The following OR6N1 variants were observed in gnomAD, a reference collection of about 807,000 sequenced individuals.
OR6N1 encodes olfactory receptor 6N1.
For synonymous variants in OR6N1, 170 were observed against 150.7 expected, an observed-to-expected ratio of 1.13 and a Z score of -0.94; for missense variants, 394 against 371.7, an observed-to-expected ratio of 1.06 and a Z score of -0.49.
the OR6N1 span, among the ~76,000 whole-genome samples, chr1:158,825,155 A>C: frequency 2.0e-5 from 3 of 152,122 alleles, no homozygotes; most frequent in African/African-American, 7.2e-5. Flanking sequence ...AAAGTGAGCA[A>C]AGGGCCAGGC....
chr1:158,783,152 C>A, the OR6N1 span, among the ~76,000 whole-genome samples: 1 of 152,034 alleles, frequency 6.6e-6, no homozygotes, highest in South Asian at 2.1e-4. Context: ...TTGTTACTTC[C>A]CCCCTTGTCA....
At chr1:158,790,814 C>G in the OR6N1 span, among the ~76,000 whole-genome samples, 1 of 152,082 alleles carries the variant, frequency 6.6e-6, no homozygotes, top group Admixed American at 6.5e-5. Flanking sequence ...GTGTCCCCAC[C>G]AAAATCTCAT....
chr1:158,776,660 G>A (rs747780158), upstream of OR6N1: 4 of 1,419,608 alleles, frequency 2.8e-6, no homozygotes, highest in South Asian at 5.1e-5. Flanking sequence ...ACATTGAGGT[G>A]AGAAAGGACA....
At chr1:158,833,571 C>T in the OR6N1 span, among the ~76,000 whole-genome samples, 3 of 152,164 alleles carry the variant, frequency 2.0e-5, no homozygotes, top group African/African-American at 4.8e-5. Context: ...TATGTTTAAT[C>T]ATACAGTAAG....
At chr1:158,780,645 T>C in the OR6N1 span, among the ~76,000 whole-genome samples, 1 of 152,364 alleles carries the variant, frequency 6.6e-6, no homozygotes, top group East Asian at 1.9e-4. Flanking sequence ...AAGCCTATTT[T>C]ATAATAAGGT....
At chr1:158,791,273 A>G in the OR6N1 span, among the ~76,000 whole-genome samples, 31 of 152,160 alleles carry the variant, frequency 2.0e-4, no homozygotes, top group African/African-American at 4.6e-4. Flanking sequence ...TGTTTGCTCT[A>G]TCCCAGAGGT....
the OR6N1 span, among the ~76,000 whole-genome samples, chr1:158,812,156 C>T: frequency 2.0e-5 from 3 of 152,182 alleles, no homozygotes; most frequent in Admixed American, 1.3e-4. Context: ...ACAGACTTCC[C>T]CTGTGCTTTG....
upstream of OR6N1, among the ~76,000 whole-genome samples, chr1:158,773,175 A>AT (rs11292789): frequency 6.6e-6 from 1 of 150,826 alleles, no homozygotes. Flanking sequence ...TTTCTGGAAG[A>AT]TTTTTTTTTT....
the OR6N1 span, among the ~76,000 whole-genome samples, chr1:158,810,284 T>C: frequency 6.6e-6 from 1 of 152,088 alleles, no homozygotes; most frequent in South Asian, 2.1e-4. Flanking sequence ...GCTACTCTCA[T>C]CTTTTCGGCC....
chr1:158,785,897 G>T, the OR6N1 span, among the ~76,000 whole-genome samples: 1 of 152,056 alleles, frequency 6.6e-6, no homozygotes, highest in Admixed American at 6.5e-5. Flanking sequence ...CATTATTTTA[G>T]ACTTTTCAAG....
At chr1:158,777,229 A>C in the OR6N1 span, 7 of 1,614,172 alleles carry the variant, frequency 4.3e-6, no homozygotes, top group South Asian at 7.7e-5. Flanking sequence ...TGTGGTGGTC[A>C]TAATTATAGG....
the OR6N1 span, among the ~76,000 whole-genome samples, chr1:158,790,406 T>TTTA: frequency 1.3e-5 from 2 of 150,360 alleles, no homozygotes; most frequent in African/African-American, 4.9e-5. Flanking sequence ...GGGAATTTTT[T>TTTA]TTTTTTTTTT....
chr1:158,796,573 TCTCA>T, the OR6N1 span, among the ~76,000 whole-genome samples: 1 of 152,216 alleles, frequency 6.6e-6, no homozygotes, highest in Admixed American at 6.5e-5. Context: ...TTGATTTGTT[TCTCA>T]CTATTTCAAT....
chr1:158,777,403 A>G, the OR6N1 span: 5 of 1,614,168 alleles, frequency 3.1e-6, no homozygotes, highest in Admixed American at 5.0e-5. Context: ...CATCTTAGGG[A>G]TAGTGGTAGC....
chr1:158,791,321 A>G, the OR6N1 span, among the ~76,000 whole-genome samples: 1 of 152,146 alleles, frequency 6.6e-6, no homozygotes, highest in Non-Finnish European at 1.5e-5. Context: ...TTATTTGAAA[A>G]AAATTAATTT....
At chr1:158,814,347 CA>C in the OR6N1 span, among the ~76,000 whole-genome samples, 1 of 152,160 alleles carries the variant, frequency 6.6e-6, no homozygotes, top group Non-Finnish European at 1.5e-5. Flanking sequence ...TATATACATA[CA>C]GTTTCTACCC....
the OR6N1 span, among the ~76,000 whole-genome samples, chr1:158,801,492 G>A: frequency 4.6e-4 from 70 of 152,278 alleles, no homozygotes; most frequent in Non-Finnish European, 7.8e-4. Context: ...AGGAGAGAGA[G>A]GAATTGGTAA....
At chr1:158,832,693 CT>C in the OR6N1 span, among the ~76,000 whole-genome samples, 5 of 151,670 alleles carry the variant, frequency 3.3e-5, no homozygotes, top group Admixed American at 6.6e-5. Flanking sequence ...TGACTTAAGC[CT>C]ATTTTAAGCT....
chr1:158,770,853 C>G (rs139924782), intron 1 of OR6N1, among the ~76,000 whole-genome samples: 5 of 152,246 alleles, frequency 3.3e-5, no homozygotes, highest in South Asian at 4.1e-4. Flanking sequence ...GCTTCCTGAC[C>G]CATAAGACAG....
Sources: gnomAD v4.1 joint callset for allele counts (sites outside exome capture counted in the v4.1 genomes callset) on GRCh38, gnomAD v4.1.1 for gene constraint, MANE v1.5 for transcripts, NCBI Gene and HGNC (gene_info 2026-07-23, HGNC 2026-07-21) for gene names.